Variants in TMTC1 observed in about 807,000 individuals in gnomAD.
TMTC1 encodes the protein transmembrane O-mannosyltransferase targeting cadherins 1, also known as protein O-mannosyl-transferase TMTC1.
TMTC1 carries 73 observed loss-of-function variants against 104.8 expected under a neutral mutation model. The ratio of observed to expected loss-of-function variants is 0.70; its 90% confidence interval spans 0.58 to 0.85. The LOEUF is 0.85. TMTC1 is among the 40% of genes least tolerant of loss of function. The probability of loss-of-function intolerance (pLI) is 0.00; values close to 1 mark genes in which losing one functional copy is unlikely to be tolerated. For missense variants in TMTC1, 1,035 were observed against 1,096.1 expected (o/e 0.94, Z 0.79); for synonymous variants, 434 against 428.7 (o/e 1.01, Z -0.15).
chr12:29,676,024 G>A (rs908124311), intron 5 of TMTC1, among the ~76,000 whole-genome samples: 5 of 152,174 alleles, frequency 3.3e-5, no homozygotes, highest in Admixed American at 6.5e-5. Flanking sequence ...TCAAGCTTAC[G>A]CCATTAATTA....
chr12:29,588,972 G>GA (rs556627921), intron 7 of TMTC1, among the ~76,000 whole-genome samples: 1 of 151,822 alleles, frequency 6.6e-6, no homozygotes, highest in Non-Finnish European at 1.5e-5. Context: ...ATGCCAAAAG[G>GA]AAAAAAAATT....
chr12:29,656,337 T>C (rs1004843868), intron 5 of TMTC1, among the ~76,000 whole-genome samples: 2 of 149,538 alleles, frequency 1.3e-5, no homozygotes, highest in East Asian at 2.0e-4. Flanking sequence ...TATATATATA[T>C]ATACACACAT....
rs993380639 is a variant in TMTC1, at chr12:29,506,254, A to C, written c.*592T>G. On this transcript the variant is annotated 3_prime_UTR_variant, in exon 18 of 18. Coordinates refer to ENST00000539277, the MANE Select transcript of TMTC1 (RefSeq NM_001193451.2). ...CTTCCCTGTAATTCCTCAAAAAAGCACTAGTAAAACTCTTAGGAGGATATT... is the reference window on the plus strand; with the variant it reads ...CTTCCCTGTAATTCCTCAAAAAAGCCCTAGTAAAACTCTTAGGAGGATATT... 6.6e-6 allele frequency: 1 copy of C among 152,254 alleles called. No homozygotes were observed. The highest frequency in any genetic ancestry group is 2.4e-5 in the African/African-American group (1 of 41,452). The allele number at this position is 152,254 out of a possible 1,614,324, so 9.4% of individuals were successfully genotyped here.
intron 5 of TMTC1, among the ~76,000 whole-genome samples, chr12:29,740,594 T>G (rs926134986): frequency 3.3e-5 from 5 of 152,262 alleles, no homozygotes; most frequent in Admixed American, 3.3e-4. Context: ...AAACTCCCCT[T>G]TAGATATAGA....
chr12:29,591,908 GAAAACAAAAC>G (rs61162219), intron 7 of TMTC1, among the ~76,000 whole-genome samples: 2 of 150,322 alleles, frequency 1.3e-5, no homozygotes, highest in South Asian at 2.1e-4. Flanking sequence ...GCTTTTAAGT[GAAAACAAAAC>G]AAAACAAAAC....
intron 9 of TMTC1, among the ~76,000 whole-genome samples, chr12:29,562,243 A>G (rs1945395743): frequency 1.3e-5 from 2 of 152,194 alleles, no homozygotes; most frequent in Admixed American, 1.3e-4. Flanking sequence ...CATTACAGAT[A>G]GCCTCGGGAA....
intron 6 of TMTC1, among the ~76,000 whole-genome samples, chr12:29,619,212 T>C (rs1355504316): frequency 2.0e-5 from 3 of 152,350 alleles, no homozygotes; most frequent in Middle Eastern, 3.4e-3. Flanking sequence ...GTAAGTCATT[T>C]TCTTATTAAA....
intron 5 of TMTC1, among the ~76,000 whole-genome samples, chr12:29,687,904 C>T (rs1208535895): frequency 6.6e-6 from 1 of 152,126 alleles, no homozygotes; most frequent in Non-Finnish European, 1.5e-5. Context: ...AGGGCCCCAC[C>T]CTTACAACTT....
intron 16 of TMTC1, 38 bp downstream of exon 16, chr12:29,514,444 T>G (rs1405685511): frequency 3.2e-6 from 5 of 1,582,362 alleles, no homozygotes; most frequent in African/African-American, 1.4e-5. Flanking sequence ...AATTTTAATC[T>G]GTGAATTTGA....
intron 5 of TMTC1, among the ~76,000 whole-genome samples, chr12:29,739,461 G>A (rs1433024081): frequency 6.6e-6 from 1 of 152,130 alleles, no homozygotes; most frequent in Admixed American, 6.5e-5. Context: ...CCTCTCCTGT[G>A]ATCTCATAAT....
rs1941157540 is a variant in TMTC1 at position 29,688,252 on chromosome 12, T to TA, written c.939-54917dup. Among the ~76,000 whole-genome samples, 3 of 152,174 alleles carry TA rather than the reference T, an allele frequency of 2.0e-5. No homozygotes were observed. In the South Asian group the frequency reaches 6.2e-4, roughly 31 times the overall value. Reference sequence around the variant, plus strand: ...TCAACCAGAAAATCCAGAAAGTTCTTAGACTCCTTCCCATCTCTCTAAATA... The same window carrying TA: ...TCAACCAGAAAATCCAGAAAGTTCTTAAGACTCCTTCCCATCTCTCTAAATA... On this transcript the variant is annotated intron_variant, in intron 5 of 17. Transcript: ENST00000539277.
intron 5 of TMTC1, among the ~76,000 whole-genome samples, chr12:29,643,730 A>ATATATT (rs1939056916): frequency 2.9e-5 from 1 of 34,314 alleles, no homozygotes; most frequent in Non-Finnish European, 4.8e-5. Context: ...ATATAAATAT[A>ATATATT]TATTATAATA....
chr12:29,749,328 C>A (rs2126891), intron 5 of TMTC1, among the ~76,000 whole-genome samples: 13,709 of 152,112 alleles, frequency 0.09, 833 homozygotes, highest in East Asian at 0.25. Context: ...GAAAATGTTC[C>A]ATCTATGCTT....
At position 29,783,279 on chromosome 12, in the gene TMTC1, C is replaced by T. The variant is rs1017160125; in HGVS notation, c.302+171G>A. Among the ~76,000 whole-genome samples, 3 of 152,148 alleles carry T rather than the reference C, an allele frequency of 2.0e-5. No homozygotes were observed. Among genetic ancestry groups the T allele is most frequent in the Non-Finnish European group, 4.4e-5 (3 of 68,024 alleles). On this transcript the variant is annotated intron_variant, in intron 1 of 17. Transcript: ENST00000539277. The surrounding 1 kb of genome is among the most constrained non-coding windows in gnomAD (Gnocchi z 4.7). ...GCCCCGAGAGCCCAGATTAGCCGGG[C>T]AGTGGATCCCGGAGCAAAGTGCCAT...
intron 5 of TMTC1, among the ~76,000 whole-genome samples, chr12:29,666,910 G>A (rs1361208596): frequency 6.6e-6 from 1 of 152,016 alleles, no homozygotes; most frequent in African/African-American, 2.4e-5. Flanking sequence ...CTCTTTCAAC[G>A]CAAAAAGGAA....
intron 5 of TMTC1, among the ~76,000 whole-genome samples, chr12:29,685,888 T>C (rs1210965109): frequency 6.6e-6 from 1 of 151,544 alleles, no homozygotes; most frequent in African/African-American, 2.4e-5. Context: ...AGCTCATGCT[T>C]ACTATGGTTT....
intron 11 of TMTC1, among the ~76,000 whole-genome samples, chr12:29,528,623 C>G (rs1305977605): frequency 6.6e-6 from 1 of 152,164 alleles, no homozygotes; most frequent in Non-Finnish European, 1.5e-5. Context: ...AATTTACTGT[C>G]TTGAGCCAAA....
chr12:29,667,568 T>A (rs998349263), intron 5 of TMTC1, among the ~76,000 whole-genome samples: 2 of 152,156 alleles, frequency 1.3e-5, no homozygotes, highest in African/African-American at 4.8e-5. Flanking sequence ...AAACAGCTCA[T>A]GTAGTTTTAT....
At chr12:29,701,315 C>T (rs897839230) in intron 5 of TMTC1, among the ~76,000 whole-genome samples, 9 of 152,132 alleles carry the variant, frequency 5.9e-5, no homozygotes, top group African/African-American at 1.4e-4. Context: ...AGTCCACCAC[C>T]GGTTTTGCCT....
Sources: gnomAD v4.1 joint callset for allele counts (sites outside exome capture counted in the v4.1 genomes callset) on GRCh38, gnomAD v4.1.1 for gene constraint, Gnocchi (gnomAD v3.1) non-coding constraint, MANE v1.5 for transcripts, NCBI Gene and HGNC (gene_info 2026-07-23, HGNC 2026-07-21) for gene names.